GPCPD1: variants seen among roughly 807,000 people sequenced by gnomAD.
GPCPD1 encodes the protein glycerophosphocholine phosphodiesterase GPCPD1.
In GPCPD1, 29 loss-of-function variants were observed where a neutral mutation model predicts 89.2. The observed-to-expected ratio is 0.33, with a 90% confidence interval of 0.24 to 0.44. The LOEUF is 0.44. Among genes scored for constraint, GPCPD1 ranks in the 20% least tolerant of loss-of-function variants. The pLI, the probability that GPCPD1 is intolerant of heterozygous loss-of-function variation, is 1.00. For missense variants in GPCPD1, 594 were observed against 808.9 expected, an observed-to-expected ratio of 0.73 and a Z score of 3.22; for synonymous variants, 258 against 266.3, an observed-to-expected ratio of 0.97 and a Z score of 0.30.
rs1181802350 is a variant in GPCPD1, at chr20:5,603,746, CTT to C, written c.49+616_49+617del. ...CAGCCAATTGTTTCACCAACTTATT[CTT>C]TTTTTTTTTTTTTTTTGAGACGGAT... On this transcript the variant is annotated intron_variant, in intron 2 of 19. Transcript: ENST00000379019. 2.0e-3 allele frequency among the ~76,000 whole-genome samples: 265 copies of C among 135,342 alleles called. 2 individuals are homozygous for C. The highest frequency in any genetic ancestry group is 6.5e-3 in the African/African-American group (231 of 35,640). 88.8% of individuals were successfully genotyped at this position (135,342 alleles called of 152,430 possible).
chr20:5,547,698 A>G lies in GPCPD1; in HGVS notation c.1982T>C (p.Val661Ala). Reference protein sequence around the residue: ...SSLCGESDIHVDANGIDNVEN... With the variant: ...SSLCGESDIHADANGIDNVEN... ...CACGTTATCAATGCCGTTGGCATCC[A>G]CATGGATATCAGACTCCCCACACAA... is the stretch of plus-strand genomic sequence containing the variant. The change falls in exon 20 of 20, where the codon GTG becomes GCG. Residue 661 changes from valine (V) to alanine (A), a missense_variant. By Grantham distance (64) the Val-to-Ala change is moderately conservative (BLOSUM62 0). Transcript: ENST00000379019. 6.2e-7 allele frequency: 1 copy of G among 1,609,958 alleles called. No homozygotes were observed. The highest frequency in any genetic ancestry group is 8.5e-7 in the Non-Finnish European group (1 of 1,176,930).
At chr20:5,578,884 T>C (rs1011948259) in intron 7 of GPCPD1, among the ~76,000 whole-genome samples, 2 of 150,884 alleles carry the variant, frequency 1.3e-5, no homozygotes, top group African/African-American at 2.4e-5. Context: ...ATTCTTTCAT[T>C]AAAAAAAAAT....
At chr20:5,571,176 A>G (rs1986691076) in intron 11 of GPCPD1, among the ~76,000 whole-genome samples, 1 of 152,212 alleles carries the variant, frequency 6.6e-6, no homozygotes. Context: ...GACTAGAGTC[A>G]AAGGAGTTCA....
chr20:5,574,981 G>A (rs538282445), intron 10 of GPCPD1, among the ~76,000 whole-genome samples: 4 of 152,178 alleles, frequency 2.6e-5, no homozygotes, highest in Non-Finnish European at 5.9e-5. Flanking sequence ...TGTCTGTTGA[G>A]AAGACAGAGC....
At chr20:5,586,913 T>C (rs1277983298) in intron 4 of GPCPD1, among the ~76,000 whole-genome samples, 1 of 152,126 alleles carries the variant, frequency 6.6e-6, no homozygotes, top group Non-Finnish European at 1.5e-5. Context: ...GAAGAGCAAG[T>C]GTGATAAAAG....
At chr20:5,584,405 G>A in intron 5 of GPCPD1, 83 bp from the exon 6 acceptor site, 1 of 676,706 alleles carries the variant, frequency 1.5e-6, no homozygotes, top group Non-Finnish European at 2.7e-6. Flanking sequence ...CCACCTTAAA[G>A]ATCGTTTATA....
intron 1 of GPCPD1, among the ~76,000 whole-genome samples, 179 bp from the exon 2 acceptor site, chr20:5,604,619 G>GGGC (rs1398432998): frequency 1.2e-5 from 1 of 86,136 alleles, no homozygotes; most frequent in Non-Finnish European, 2.4e-5. Flanking sequence ...TGCGGGGGGG[G>GGGC]GGGGGCGGGA....
intron 11 of GPCPD1, among the ~76,000 whole-genome samples, chr20:5,571,711 C>A (rs1439288076): frequency 6.6e-6 from 1 of 152,146 alleles, no homozygotes; most frequent in Non-Finnish European, 1.5e-5. Flanking sequence ...AAGTTCAAGA[C>A]CAGCCTGGCC....
chr20:5,561,806 C>A (rs1475261572), intron 15 of GPCPD1, among the ~76,000 whole-genome samples: 8 of 152,220 alleles, frequency 5.3e-5, no homozygotes, highest in Non-Finnish European at 1.2e-4. Flanking sequence ...TCCTTAACCT[C>A]AAATCCTTTT....
At position 5,568,789 on chromosome 20, in the gene GPCPD1, T is replaced by C. The variant is rs1347495157; in HGVS notation, c.1150-1229A>G. Among the ~76,000 whole-genome samples the C allele has an allele frequency of 2.0e-5, 3 of 152,248 alleles. No individual in the cohort carries two copies. In the East Asian group the frequency reaches 5.8e-4, roughly 29 times the overall value. On this transcript the variant is annotated intron_variant, in intron 12 of 19. Transcript: ENST00000379019. ...GGCTTGGTCCAGCTACTTAGGAGTC[T>C]GCAGTCCTAGCTACTTAGGAGGCTG...
chr20:5,583,854 TAC>T (rs973050705), intron 6 of GPCPD1, among the ~76,000 whole-genome samples: 2 of 152,368 alleles, frequency 1.3e-5, no homozygotes, highest in African/African-American at 4.8e-5. Context: ...TTCAGTATAC[TAC>T]ACACTTTTAA....
rs530643360 is a variant in GPCPD1, at chr20:5,580,936, C to T, written c.350-805G>A. Among the ~76,000 whole-genome samples, 10 of 150,828 alleles carry T rather than the reference C, an allele frequency of 6.6e-5. No individual in the cohort carries two copies. In the East Asian group the frequency reaches 1.6e-3, roughly 24 times the overall value. On this transcript the variant is annotated intron_variant, in intron 6 of 19. Coordinates refer to ENST00000379019, the MANE Select transcript of GPCPD1 (RefSeq NM_019593.5). ...TTGCCCAGGCTAGAGTGCAGTGGCA[C>T]GATCTCAACTCACTGCAGACTCCAC...
At chr20:5,580,590 G>A (rs1258685826) in intron 6 of GPCPD1, among the ~76,000 whole-genome samples, 1 of 151,806 alleles carries the variant, frequency 6.6e-6, no homozygotes, top group Non-Finnish European at 1.5e-5. Context: ...GCCGGGCGTG[G>A]TGGCGGGCGC....
At chr20:5,604,774 TACACACAC>T (rs11466989) in intron 1 of GPCPD1, among the ~76,000 whole-genome samples, 22 of 139,178 alleles carry the variant, frequency 1.6e-4, no homozygotes, top group Middle Eastern at 3.5e-3. Flanking sequence ...GCCTCATGTC[TACACACAC>T]ACACACACAC....
chr20:5,557,862 C>G, intron 19 of GPCPD1, 83 bp downstream of exon 19: 1 of 775,336 alleles, frequency 1.3e-6, no homozygotes, highest in Non-Finnish European at 2.0e-6. Context: ...TTTAACTTAA[C>G]TAAGTTTAAT....
chr20:5,602,322 T>A (rs576639473), intron 2 of GPCPD1, among the ~76,000 whole-genome samples: 9 of 152,320 alleles, frequency 5.9e-5, no homozygotes, highest in African/African-American at 2.2e-4. Flanking sequence ...CATGGCCAGC[T>A]CCTTCTAGCT....
chr20:5,601,715 T>C (rs1980169124), intron 2 of GPCPD1, among the ~76,000 whole-genome samples: 2 of 152,146 alleles, frequency 1.3e-5, no homozygotes, highest in South Asian at 4.1e-4. Flanking sequence ...GGACTCGTTA[T>C]TTCTCATCCC....
intron 16 of GPCPD1, among the ~76,000 whole-genome samples, chr20:5,560,437 T>C (rs1439403807): frequency 6.6e-6 from 1 of 152,236 alleles, no homozygotes; most frequent in Non-Finnish European, 1.5e-5. Context: ...CATCATCTGC[T>C]AACAAATTAA....
At chr20:5,563,513 A>G (rs1053586630) in intron 15 of GPCPD1, among the ~76,000 whole-genome samples, 29 of 151,804 alleles carry the variant, frequency 1.9e-4, no homozygotes, top group Admixed American at 1.8e-3. Context: ...CATTTTACTT[A>G]TTTATTTATT....
Sources: allele counts gnomAD v4.1 joint callset (sites outside exome capture counted in the v4.1 genomes callset), GRCh38; gene constraint gnomAD v4.1.1; transcripts MANE v1.5; gene names NCBI Gene and HGNC (gene_info 2026-07-23, HGNC 2026-07-21).